MYOCOS: variants seen among roughly 807,000 people sequenced by gnomAD.
The protein encoded by MYOCOS is myocilin opposite strand, also known as myocilin opposite strand protein.
At position 171,623,959 on chromosome 1, in the gene MYOCOS, C is replaced by T. The variant is rs1460461913; in HGVS notation, c.76C>T (p.Arg26Ter). 4.8e-5 allele frequency: 19 copies of T among 398,456 alleles called. No individual in the cohort carries two copies. Among genetic ancestry groups the T allele is most frequent in the East Asian group, 3.9e-4 (11 of 28,096 alleles). The allele number at this position is 398,456 out of a possible 1,614,324, so 24.7% of individuals were successfully genotyped here. Residue 26 changes from arginine to a stop codon, truncating the protein, a stop_gained, in exon 2 of 3, where the codon CGA becomes TGA. Coordinates refer to ENST00000637642, the MANE Select transcript of MYOCOS (RefSeq NM_001391940.1). LOFTEE classifies it low-confidence loss of function (END_TRUNC). The stretch of plus-strand genomic sequence containing the variant: ...CTTGACCTCCGAGGTAACCAGGCGC[C>T]GAGTCACCATGATCACAAGGTACCC... ...KDLTSEVTRRRVTMITRKEII... is the reference protein window; with the variant it reads ...KDLTSEVTRR
At chr1:171,605,172 A>G (rs534075051) in intron 1 of MYOCOS, among the ~76,000 whole-genome samples, 16 of 152,070 alleles carry the variant, frequency 1.1e-4, no homozygotes, top group African/African-American at 3.6e-4. Flanking sequence ...GTAGTAAGAG[A>G]TCAATGGCAT....
rs184320592 is a variant in MYOCOS at position 171,623,854 on chromosome 1, A to G, written c.-30A>G. The G allele has an allele frequency of 2.5e-6, 1 of 398,574 alleles. No individual in the cohort carries two copies. The highest frequency in any genetic ancestry group is 4.4e-6 in the Non-Finnish European group (1 of 226,082). 24.7% of individuals were successfully genotyped at this position (398,574 alleles called of 1,614,324 possible). On this transcript the variant is annotated 5_prime_UTR_variant, in exon 2 of 3. Transcript: ENST00000637642. ...TTGCATTCACAGGTGCAGTAACTTT[A>G]AATTCCTCAAATCCCCTGAGTGCAA...
At chr1:171,620,432 G>T (rs1400670151), upstream of MYOCOS, among the ~76,000 whole-genome samples, 2 of 151,992 alleles carry the variant, frequency 1.3e-5, no homozygotes, top group Non-Finnish European at 2.9e-5. Context: ...CTTTTTGGGG[G>T]CAAATTTGCA....
rs911716488 is a variant in MYOCOS, at chr1:171,626,811, T to C, written c.*210T>C. ...ATCCAAGTCTCTGATATGATATGCA[T>C]ATATTTTGATCTTTATGTTATGCTA... On this transcript the variant is annotated 3_prime_UTR_variant, in exon 3 of 3. Transcript: ENST00000637642. 28 of 377,676 alleles carry C rather than the reference T, an allele frequency of 7.4e-5. No individual in the cohort carries two copies. The highest frequency in any genetic ancestry group is 5.8e-4 in the African/African-American group (28 of 48,290). The allele number at this position is 377,676 out of a possible 1,614,324, so 23.4% of individuals were successfully genotyped here.
At chr1:171,606,389 T>G (rs1652243589) in intron 1 of MYOCOS, among the ~76,000 whole-genome samples, 1 of 152,186 alleles carries the variant, frequency 6.6e-6, no homozygotes, top group Non-Finnish European at 1.5e-5. Flanking sequence ...TGTTTTATAC[T>G]CAGTACCTGT....
At chr1:171,605,192 G>A (rs1001800277) in intron 1 of MYOCOS, among the ~76,000 whole-genome samples, 11 of 151,794 alleles carry the variant, frequency 7.2e-5, no homozygotes, top group Admixed American at 2.0e-4. Context: ...TAAGAAGCCC[G>A]AGAATTAGTG....
chr1:171,602,121 T>C (rs1652155135), intron 1 of MYOCOS, among the ~76,000 whole-genome samples: 1 of 152,002 alleles, frequency 6.6e-6, no homozygotes, highest in African/African-American at 2.4e-5. Flanking sequence ...TAAAGAGTGT[T>C]ATATGGTAAA....
chr1:171,603,265 G>A (rs1433819986), intron 1 of MYOCOS, among the ~76,000 whole-genome samples: 4 of 152,198 alleles, frequency 2.6e-5, no homozygotes, highest in Non-Finnish European at 4.4e-5. Context: ...GTCAGCCCTT[G>A]TTCCTCCCCG....
chr1:171,614,294 C>T (rs1652408812), intron 1 of MYOCOS, among the ~76,000 whole-genome samples: 2 of 152,162 alleles, frequency 1.3e-5, no homozygotes, highest in South Asian at 4.1e-4. Flanking sequence ...GGAAAAGACA[C>T]TGAAATCAAG....
At chr1:171,620,812 G>GC (rs1472149819), upstream of MYOCOS, among the ~76,000 whole-genome samples, 1 of 110,670 alleles carries the variant, frequency 9.0e-6, no homozygotes, top group Non-Finnish European at 1.7e-5. Flanking sequence ...TCGTTCTGTT[G>GC]CCAAGCTGGA....
chr1:171,603,936 C>CA (rs1406263398), intron 1 of MYOCOS, among the ~76,000 whole-genome samples: 1,657 of 152,252 alleles, frequency 0.011, 31 homozygotes, highest in African/African-American at 0.038. Context: ...CAAAGGACAC[C>CA]ATTAGCTAAT....
intron 2 of MYOCOS, among the ~76,000 whole-genome samples, chr1:171,626,168 G>T (rs1042879573): frequency 2.6e-5 from 4 of 152,028 alleles, no homozygotes; most frequent in Non-Finnish European, 2.9e-5. Context: ...CTGTAGCCTC[G>T]ATCTCCCAGG....
intron 1 of MYOCOS, among the ~76,000 whole-genome samples, chr1:171,611,474 C>T (rs889403026): frequency 8.5e-5 from 13 of 152,160 alleles, no homozygotes; most frequent in African/African-American, 3.1e-4. Flanking sequence ...CATTTGGTCA[C>T]CTCCCAGGAA....
chr1:171,624,831 G>A (rs924503786), intron 2 of MYOCOS, among the ~76,000 whole-genome samples: 4 of 152,188 alleles, frequency 2.6e-5, no homozygotes, highest in African/African-American at 7.2e-5. Flanking sequence ...TGGTCCACCT[G>A]CCTCAGCATC....
At chr1:171,605,851 A>G (rs2102932350) in intron 1 of MYOCOS, among the ~76,000 whole-genome samples, 1 of 152,358 alleles carries the variant, frequency 6.6e-6, no homozygotes, top group Non-Finnish European at 1.5e-5. Context: ...TATTACTAAT[A>G]AAACCGGTCA....
upstream of MYOCOS, among the ~76,000 whole-genome samples, chr1:171,621,407 A>G (rs1370288964): frequency 3.7e-4 from 43 of 115,540 alleles, no homozygotes; most frequent in Admixed American, 2.1e-3. Flanking sequence ...ACGTAGTCTC[A>G]CTCTGTCAAC....
At chr1:171,610,456 A>G (rs1483189928) in intron 1 of MYOCOS, among the ~76,000 whole-genome samples, 1 of 152,190 alleles carries the variant, frequency 6.6e-6, no homozygotes, top group African/African-American at 2.4e-5. Context: ...ATTTATAAAG[A>G]AAACTTTATT....
upstream of MYOCOS, among the ~76,000 whole-genome samples, chr1:171,620,154 A>G (rs1652531925): frequency 6.6e-6 from 1 of 150,844 alleles, no homozygotes; most frequent in African/African-American, 2.4e-5. Flanking sequence ...ACCCTAATAC[A>G]GGAGGACAGG....
chr1:171,616,579 G>A (rs1052212810), intron 2 of MYOCOS, among the ~76,000 whole-genome samples: 15 of 152,048 alleles, frequency 9.9e-5, no homozygotes, highest in Non-Finnish European at 1.6e-4. Context: ...AAACAGAGAT[G>A]AGGGAGACAG....
Sources: allele counts gnomAD v4.1 joint callset (sites outside exome capture counted in the v4.1 genomes callset), GRCh38; gene constraint gnomAD v4.1.1; transcripts MANE v1.5; gene names NCBI Gene and HGNC (gene_info 2026-07-23, HGNC 2026-07-21).